FMNL3: variants seen among roughly 807,000 people sequenced by gnomAD.
FMNL3 encodes the protein formin-like protein 3.
FMNL3 carries 57 observed loss-of-function variants against 119.6 expected under a neutral mutation model. The observed-to-expected ratio is 0.48, with a 90% confidence interval of 0.39 to 0.59. FMNL3 has a LOEUF of 0.59. Among genes scored for constraint, FMNL3 ranks in the 20% least tolerant of loss-of-function variants. The pLI is 0.00. For synonymous variants in FMNL3, 491 were observed against 507.3 expected (o/e 0.97, Z 0.43); for missense variants, 1,053 against 1,323.5 (o/e 0.80, Z 3.17).
At chr12:49,654,845 C>T (rs1943521374) in intron 10 of FMNL3, 65 bp downstream of exon 10, 7 of 1,492,996 alleles carry the variant, frequency 4.7e-6, no homozygotes, top group Admixed American at 3.6e-5. Flanking sequence ...GGCCTCACCC[C>T]TGTTGTCAAG....
At chr12:49,676,532 T>G (rs562395601) in intron 1 of FMNL3, among the ~76,000 whole-genome samples, 16 of 145,616 alleles carry the variant, frequency 1.1e-4, no homozygotes, top group Admixed American at 3.4e-4. Flanking sequence ...TTTTTTTTTT[T>G]TTTTTTTTTT....
In FMNL3 at chr12:49,681,105, G is replaced by C. The variant is rs545149755; in HGVS notation, c.127-12551C>G. Among the ~76,000 whole-genome samples, 16 of 152,384 alleles carry C rather than the reference G, an allele frequency of 1.0e-4. No homozygotes were observed. In the East Asian group the frequency reaches 2.9e-3, roughly 28 times the overall value. On this transcript the variant is annotated intron_variant, in intron 1 of 25. Coordinates refer to ENST00000335154, the MANE Select transcript of FMNL3 (RefSeq NM_175736.5). ...GTGTGCTGAACATCTGAAGTTCAAG[G>C]CTTCACAGAGTAAGAGAGAGACTGT...
Position 49,642,245 on chromosome 12 carries a change from A to G in FMNL3, c.*3570T>C. The G allele has an allele frequency of 6.2e-7, 1 of 1,614,168 alleles. No homozygotes were observed. Among genetic ancestry groups the G allele is most frequent in the Non-Finnish European group, 8.5e-7 (1 of 1,180,014 alleles). ...CCCTTCTTTCCTCAGCTGCTGGAGA[A>G]AGCAGAGGCACGGGAGAGGGAGCGG... On this transcript the variant is annotated 3_prime_UTR_variant, in exon 26 of 26. Transcript: ENST00000335154. The surrounding 1 kb of genome is among the most constrained non-coding windows in gnomAD (Gnocchi z 5.8).
Position 49,653,124 on chromosome 12 carries a change from T to G in FMNL3, c.1323+102A>C. ...AGTACCTCAAGGGTGAATCAAGATC[T>G]AAATCCTAGAGAACTTGATATGACT... On this transcript the variant is annotated intron_variant, in intron 13 of 25. Coordinates refer to ENST00000335154, the MANE Select transcript of FMNL3 (RefSeq NM_175736.5). 4 of 1,091,652 alleles carry G rather than the reference T, an allele frequency of 3.7e-6. 1 individual carries two copies. In the South Asian group the frequency reaches 5.1e-5, roughly 14 times the overall value. 67.6% of individuals were successfully genotyped at this position (1,091,652 alleles called of 1,614,324 possible). A position where few individuals can be genotyped will look rare whatever the true frequency, so the allele number is the denominator to read the frequency against.
At chr12:49,666,264 G>T in intron 2 of FMNL3, 57 bp from the exon 3 acceptor site, 1 of 1,473,094 alleles carries the variant, frequency 6.8e-7, no homozygotes, top group Non-Finnish European at 9.4e-7. Flanking sequence ...CCTGAGGAGG[G>T]CACTGAGGAA....
At chr12:49,650,322 TC>T (rs1370594165) in intron 17 of FMNL3, among the ~76,000 whole-genome samples, 1 of 152,182 alleles carries the variant, frequency 6.6e-6, no homozygotes, top group Non-Finnish European at 1.5e-5. Context: ...TCATATCTTT[TC>T]TTCAGGTCCC....
chr12:49,659,651 G>T, intron 5 of FMNL3: 1 of 487,676 alleles, frequency 2.1e-6, no homozygotes, highest in Non-Finnish European at 2.7e-6. Flanking sequence ...CTGGGCTCAA[G>T]CAATCTCTCA....
At chr12:49,693,664 T>TTTTTTTTTTTTTG (rs1944674046) in intron 1 of FMNL3, among the ~76,000 whole-genome samples, 1 of 142,702 alleles carries the variant, frequency 7.0e-6, no homozygotes, top group African/African-American at 2.7e-5. Flanking sequence ...TTTTTTTTTT[T>TTTTTTTTTTTTTG]TGAGACAGAG....
intron 1 of FMNL3, among the ~76,000 whole-genome samples, chr12:49,692,456 A>T (rs1467156226): frequency 6.6e-6 from 1 of 152,174 alleles, no homozygotes; most frequent in Non-Finnish European, 1.5e-5. Context: ...TAGAATAAAA[A>T]ATCAGTCACT....
intron 1 of FMNL3, among the ~76,000 whole-genome samples, chr12:49,694,860 C>A (rs1240042924): frequency 3.3e-5 from 5 of 151,662 alleles, no homozygotes; most frequent in Admixed American, 6.6e-5. Context: ...TGCAGAGAGC[C>A]GAGATTGCGC....
rs1004975936 is a variant in FMNL3 at position 49,651,955 on chromosome 12, G to A, written c.1581C>T (p.Pro527=). 1.3e-6 allele frequency: 2 copies of A among 1,599,404 alleles called. No individual in the cohort carries two copies. The highest frequency in any genetic ancestry group is 1.3e-5 in the African/African-American group (1 of 74,802). ...TACCTGGTAATGGGGGAGGTGGAGG[G>A]GGCAAGGGCGGAGCTGGTGGTGGAG... is the stretch of plus-strand genomic sequence containing the variant. ...PLPPPPAPPL[P]PPPPPLPDKC... is the part of the protein sequence containing the mutation. The change falls in exon 14 of 26, where the codon CCC becomes CCT. Residue 527 remains proline, a synonymous_variant. Transcript: ENST00000335154.
Position 49,642,652 on chromosome 12 carries a change from C to T in FMNL3, c.*3163G>A, listed in dbSNP as rs778004854. On this transcript the variant is annotated 3_prime_UTR_variant, in exon 26 of 26. Transcript: ENST00000335154. This position sits in a 1 kb window ranked among gnomAD's most constrained non-coding sequence, Gnocchi z 5.8. ...GGAGTCGGAGCGGATCCGGCTCTTC[C>T]GGGAGTTCCTACAGGTGCTGGAGGT... 1.9e-6 allele frequency: 3 copies of T among 1,614,116 alleles called. No homozygotes were observed. Among genetic ancestry groups the T allele is most frequent in the South Asian group, 1.1e-5 (1 of 91,068 alleles).
In FMNL3 at chr12:49,651,414, G is replaced by A. The variant is rs745692954; in HGVS notation, c.1640C>T (p.Ala547Val). 1.3e-6 allele frequency: 2 copies of A among 1,522,890 alleles called. No individual in the cohort carries two copies. Among genetic ancestry groups the A allele is most frequent in the South Asian group, 1.3e-5 (1 of 76,186 alleles). The allele number at this position is 1,522,890 out of a possible 1,614,324, so 94.3% of individuals were successfully genotyped here. ...CPPAPPLPGA[A>V]PSVVLTVGLS... ...GCCCACTGTCAACACCACAGAGGGT[G>A]CAGCACCAGGGAGAGGTGGGGCTGG... Residue 547 changes from alanine (A) to valine (V), a missense_variant, in exon 15 of 26, where the codon GCA (alanine) becomes GTA (valine). By Grantham distance (64) the Ala-to-Val change is moderately conservative (BLOSUM62 0). This residue lies in a region of FMNL3 where 445 missense variants were observed against 628.4 expected (regional missense o/e 0.71). Coordinates refer to ENST00000335154, the MANE Select transcript of FMNL3 (RefSeq NM_175736.5).
chr12:49,678,981 T>C (rs1940764963), intron 1 of FMNL3, among the ~76,000 whole-genome samples: 2 of 152,166 alleles, frequency 1.3e-5, no homozygotes, highest in Non-Finnish European at 2.9e-5. Context: ...AAGGATATGA[T>C]GAGCTAAGTA....
Position 49,644,359 on chromosome 12 carries a change from T to C in FMNL3, c.*1456A>G. 3 of 764,434 alleles carry C rather than the reference T, an allele frequency of 3.9e-6. No homozygotes were observed. Among genetic ancestry groups the C allele is most frequent in the African/African-American group, 3.4e-5 (2 of 58,330 alleles). 47.4% of individuals were successfully genotyped at this position (764,434 alleles called of 1,614,324 possible). A position where few individuals can be genotyped will look rare whatever the true frequency, so the allele number is the denominator to read the frequency against. On this transcript the variant is annotated 3_prime_UTR_variant, in exon 26 of 26. Coordinates refer to ENST00000335154, the MANE Select transcript of FMNL3 (RefSeq NM_175736.5). ...GCACCTCTCAAGGTTGCTCTTGGTGTTCAAGGGTCCCCTACTCCCTGGACT... is the reference window on the plus strand; with the variant it reads ...GCACCTCTCAAGGTTGCTCTTGGTGCTCAAGGGTCCCCTACTCCCTGGACT...
chr12:49,652,027 C>G lies in FMNL3; in HGVS notation c.1509G>C (p.Leu503=). 1 of 1,608,706 alleles carries G rather than the reference C, an allele frequency of 6.2e-7. No individual in the cohort carries two copies. The highest frequency in any genetic ancestry group is 8.5e-7 in the Non-Finnish European group (1 of 1,177,580). ...GGGGTGGGGCTGGAGCCAGAAGGTC[C>G]AGGTCGGAGGGTGGCATGCCCTCAC... ...ELSEGMPPSD[L]DLLAPAPPPE... The change falls in exon 14 of 26, where the codon CTG becomes CTC. Residue 503 remains leucine (L), a synonymous_variant. Transcript: ENST00000335154.
rs755862071 is a variant in FMNL3 at position 49,642,453 on chromosome 12, C to T, written c.*3362G>A. 24 of 1,572,230 alleles carry T rather than the reference C, an allele frequency of 1.5e-5. No individual in the cohort carries two copies. Among genetic ancestry groups the T allele is most frequent in the African/African-American group, 5.4e-5 (4 of 73,972 alleles). The stretch of plus-strand genomic sequence containing the variant: ...CACCACTGAGGGCCCACCCCAGTCA[C>T]GTCACAGCCCTGGGCCAGCTCCAGT... On this transcript the variant is annotated 3_prime_UTR_variant, in exon 26 of 26. Coordinates refer to ENST00000335154, the MANE Select transcript of FMNL3 (RefSeq NM_175736.5). This position sits in a 1 kb window ranked among gnomAD's most constrained non-coding sequence, Gnocchi z 5.8.
intron 1 of FMNL3, among the ~76,000 whole-genome samples, chr12:49,670,705 TCACA>T (rs1044454962): frequency 6.6e-6 from 1 of 152,190 alleles, no homozygotes; most frequent in African/African-American, 2.4e-5. Context: ...TGAGTCCTCC[TCACA>T]GTCTATGTAG....
At chr12:49,658,785 C>A (rs1311068173) in intron 5 of FMNL3, among the ~76,000 whole-genome samples, 191 bp from the exon 6 acceptor site, 8 of 151,682 alleles carry the variant, frequency 5.3e-5, no homozygotes, top group Admixed American at 5.2e-4. Context: ...TAACACAGAA[C>A]AGCGGCAGAA....
Sources: gnomAD v4.1 joint callset for allele counts (sites outside exome capture counted in the v4.1 genomes callset) on GRCh38, gnomAD v4.1.1 for gene constraint, gnomAD v4.1.1 regional missense constraint, Gnocchi (gnomAD v3.1) non-coding constraint, MANE v1.5 for transcripts, NCBI Gene and HGNC (gene_info 2026-07-23, HGNC 2026-07-21) for gene names.